HLF: variants seen among roughly 807,000 people sequenced by gnomAD.
HLF encodes the protein hepatic leukemia factor.
A neutral mutation model predicts 22.6 loss-of-function variants in HLF; 3 were observed. The ratio of observed to expected loss-of-function variants is 0.13; its 90% confidence interval spans 0.06 to 0.34. The LOEUF is 0.34. HLF is among the 10% of genes least tolerant of loss of function. The pLI is 1.00. For synonymous variants in HLF, 151 were observed against 151.8 expected (o/e 0.99, Z 0.04); for missense variants, 299 against 389.2 (o/e 0.77, Z 1.95).
chr17:55,299,307 A>T (rs1182453129), intron 2 of HLF, among the ~76,000 whole-genome samples: 1 of 152,196 alleles, frequency 6.6e-6, no homozygotes, highest in Non-Finnish European at 1.5e-5. Flanking sequence ...TTTCAGAATG[A>T]TCATTAACTA....
At chr17:55,301,313 CATA>C (rs1354836362) in intron 2 of HLF, among the ~76,000 whole-genome samples, 1 of 152,240 alleles carries the variant, frequency 6.6e-6, no homozygotes, top group Admixed American at 6.5e-5. Context: ...GAGCCTGGCT[CATA>C]GTAGGGGCTC....
Position 55,322,230 on chromosome 17 carries a change from G to C in HLF, c.*1351G>C, listed in dbSNP as rs900213553. The C allele has an allele frequency of 5.0e-6, 1 of 200,496 alleles. No homozygotes were observed. The highest frequency in any genetic ancestry group is 1.0e-5 in the Non-Finnish European group (1 of 97,074). The allele number at this position is 200,496 out of a possible 1,614,324, so 12.4% of individuals were successfully genotyped here. ...GAAGGGGATGGTGTTGTCACAAACT[G>C]TGGTTAATCCAATCAATTTAAATGT... On this transcript the variant is annotated 3_prime_UTR_variant, in exon 4 of 4. Transcript: ENST00000226067.
At chr17:55,274,525 G>A (rs2080888062) in intron 2 of HLF, among the ~76,000 whole-genome samples, 1 of 152,172 alleles carries the variant, frequency 6.6e-6, no homozygotes, top group African/African-American at 2.4e-5. Context: ...CATGCACAAT[G>A]TCTGTCAGAA....
chr17:55,265,332 A>C lies in HLF; in HGVS notation c.-153A>C. 3 of 586,850 alleles carry C rather than the reference A, an allele frequency of 5.1e-6. No individual in the cohort carries two copies. The highest frequency in any genetic ancestry group is 9.0e-6 in the Non-Finnish European group (3 of 333,648). The allele number at this position is 586,850 out of a possible 1,614,324, so 36.4% of individuals were successfully genotyped here. Reference sequence around the variant, plus strand: ...ATATTTTTATGCAGATGTATTTATAAAGATATAAGTAATTTTTTTCTTCCC... The same window carrying C: ...ATATTTTTATGCAGATGTATTTATACAGATATAAGTAATTTTTTTCTTCCC... On this transcript the variant is annotated 5_prime_UTR_variant, in exon 1 of 4. It removes the in-frame stop codon of an upstream open reading frame in the 5' UTR. Transcript: ENST00000226067.
chr17:55,287,803 G>C (rs561014798), intron 2 of HLF, among the ~76,000 whole-genome samples: 6 of 152,302 alleles, frequency 3.9e-5, no homozygotes, highest in African/African-American at 1.4e-4. Context: ...CCCTGTTGTT[G>C]ACTTGCAAGT....
rs2145380041 is a variant in HLF, at chr17:55,320,717, C to T, written c.726C>T (p.Ser242=). The T allele has an allele frequency of 6.2e-7, 1 of 1,614,206 alleles. No individual in the cohort carries two copies. The change falls in exon 4 of 4, where the codon TCC becomes TCT. Residue 242 remains serine (S), a synonymous_variant. Transcript: ENST00000226067. The surrounding 1 kb of genome is among the most constrained non-coding windows in gnomAD (Gnocchi z 4.2). ...AGAACAACATGGCAGCCAAGCGCTCCCGCGACGCCCGGAGGCTGAAAGAGA... is the reference window on the plus strand; with the variant it reads ...AGAACAACATGGCAGCCAAGCGCTCTCGCGACGCCCGGAGGCTGAAAGAGA... ...RRKNNMAAKR[S]RDARRLKENQ...
In HLF at chr17:55,324,065, T is replaced by C. The variant is rs1297193007; in HGVS notation, c.*3186T>C. On this transcript the variant is annotated 3_prime_UTR_variant, in exon 4 of 4. Transcript: ENST00000226067. ...TGTTGAGGGGAGGGCTGTAGATCATTACTTCTTTCTCTTCAGGAAGTGGCC... is the reference window on the plus strand; with the variant it reads ...TGTTGAGGGGAGGGCTGTAGATCATCACTTCTTTCTCTTCAGGAAGTGGCC... 8.8e-6 allele frequency: 2 copies of C among 228,392 alleles called. No homozygotes were observed. The highest frequency in any genetic ancestry group is 4.4e-5 in the African/African-American group (2 of 45,078). 14.1% of individuals were successfully genotyped at this position (228,392 alleles called of 1,614,324 possible).
intron 2 of HLF, among the ~76,000 whole-genome samples, chr17:55,288,634 G>A (rs1340413276): frequency 6.6e-6 from 1 of 151,718 alleles, no homozygotes; most frequent in African/African-American, 2.4e-5. Flanking sequence ...GTGTGGTGTG[G>A]TGTCCCAACT....
Position 55,322,481 on chromosome 17 carries a change from G to A in HLF, c.*1602G>A, listed in dbSNP as rs1401777544. The A allele has an allele frequency of 9.6e-6, 2 of 208,824 alleles. No homozygotes were observed. Among genetic ancestry groups the A allele is most frequent in the African/African-American group, 4.5e-5 (2 of 43,978 alleles). 12.9% of individuals were successfully genotyped at this position (208,824 alleles called of 1,614,324 possible). A position where few individuals can be genotyped will look rare whatever the true frequency, so the allele number is the denominator to read the frequency against. On this transcript the variant is annotated 3_prime_UTR_variant, in exon 4 of 4. Transcript: ENST00000226067. ...GTTGTACAGAGAAGAAGTGCTTGGG[G>A]GTTTTTGAAGTCTTTAATATTTTAA...
chr17:55,316,877 T>C (rs1905087826), intron 3 of HLF, among the ~76,000 whole-genome samples: 1 of 151,832 alleles, frequency 6.6e-6, no homozygotes, highest in Non-Finnish European at 1.5e-5. Context: ...AGGGGCACCA[T>C]GGGCTCAGGT....
intron 2 of HLF, among the ~76,000 whole-genome samples, chr17:55,290,200 A>T (rs1330042216): frequency 6.6e-6 from 1 of 152,242 alleles, no homozygotes; most frequent in Non-Finnish European, 1.5e-5. Flanking sequence ...GAGGTTCCTC[A>T]GAAAACTAGA....
chr17:55,265,393 A>T lies in HLF; in HGVS notation c.-92A>T. ...CGCCTTGAGAGCGAGTACTTTTGGC[A>T]AAGGACGGAGGAAAAGCTCAGCAAC... On this transcript the variant is annotated 5_prime_UTR_variant, in exon 1 of 4. Transcript: ENST00000226067. 4.0e-6 allele frequency: 3 copies of T among 753,894 alleles called. No individual in the cohort carries two copies. The South Asian group carries it at 4.7e-5, about 12-fold the overall frequency. The allele number at this position is 753,894 out of a possible 1,614,324, so 46.7% of individuals were successfully genotyped here. A position where few individuals can be genotyped will look rare whatever the true frequency, so the allele number is the denominator to read the frequency against.
At chr17:55,282,386 C>T (rs775843295) in intron 2 of HLF, among the ~76,000 whole-genome samples, 4 of 152,210 alleles carry the variant, frequency 2.6e-5, no homozygotes, top group Non-Finnish European at 4.4e-5. Flanking sequence ...TTCAGCTTCT[C>T]TGGCTTTTAC....
At position 55,267,824 on chromosome 17, in the gene HLF, A is replaced by G. The variant is rs1356851163; in HGVS notation, c.189A>G (p.Ala63=). Residue 63 remains alanine, a synonymous_variant, in exon 2 of 4, where the codon GCA becomes GCG. Coordinates refer to ENST00000226067, the MANE Select transcript of HLF (RefSeq NM_002126.5). ...ACAGCCCGACGGTCCCCCAGTCGGC[A>G]TTCCTGGGGCCTACCTTATGGGACA... ...ESNSPTVPQS[A]FLGPTLWDKT... The G allele has an allele frequency of 6.2e-7, 1 of 1,612,706 alleles. No homozygotes were observed. The highest frequency in any genetic ancestry group is 1.1e-5 in the South Asian group (1 of 91,064).
Position 55,324,777 on chromosome 17 carries a change from G to T in HLF, c.*3898G>T. On this transcript the variant is annotated 3_prime_UTR_variant, in exon 4 of 4. Coordinates refer to ENST00000226067, the MANE Select transcript of HLF (RefSeq NM_002126.5). ...ACTAAAGTCAATACATTTTGCAGGA[G>T]GCTAAGTGTAAGAGTGTGTGTGTGT... The T allele has an allele frequency of 4.3e-6, 1 of 232,424 alleles. No homozygotes were observed. Among genetic ancestry groups the T allele is most frequent in the Non-Finnish European group, 8.5e-6 (1 of 117,830 alleles). The allele number at this position is 232,424 out of a possible 1,614,324, so 14.4% of individuals were successfully genotyped here.
intron 2 of HLF, among the ~76,000 whole-genome samples, chr17:55,291,699 T>G (rs936528922): frequency 8.5e-5 from 13 of 152,204 alleles, no homozygotes; most frequent in Admixed American, 5.2e-4. Flanking sequence ...CTTAAGAAAT[T>G]TACTTTTTAA....
At chr17:55,267,483 C>G (rs1307125551) in intron 1 of HLF, 1 of 375,918 alleles carries the variant, frequency 2.7e-6, no homozygotes, top group East Asian at 4.3e-5. Context: ...TGAGACTGTT[C>G]TCTGGTTTTT....
chr17:55,289,893 C>G (rs566436978), intron 2 of HLF, among the ~76,000 whole-genome samples: 1 of 152,130 alleles, frequency 6.6e-6, no homozygotes, highest in East Asian at 1.9e-4. Flanking sequence ...AATAAATAAG[C>G]CTGTTTTCAG....
chr17:55,266,506 A>G (rs2080792011), intron 1 of HLF, among the ~76,000 whole-genome samples: 1 of 152,204 alleles, frequency 6.6e-6, no homozygotes, highest in Non-Finnish European at 1.5e-5. Context: ...TTTGGCTACA[A>G]ATAGCTTGGG....
Sources: allele counts gnomAD v4.1 joint callset (sites outside exome capture counted in the v4.1 genomes callset), GRCh38; gene constraint gnomAD v4.1.1; non-coding constraint Gnocchi (gnomAD v3.1); transcripts MANE v1.5; gene names NCBI Gene and HGNC (gene_info 2026-07-23, HGNC 2026-07-21).